MYO3B: variants seen among roughly 807,000 people sequenced by gnomAD.
MYO3B encodes the protein myosin IIIB.
A neutral mutation model predicts 174.6 loss-of-function variants in MYO3B; 156 were observed. The ratio of observed to expected loss-of-function variants is 0.89; its 90% CI spans 0.78 to 1.02. The LOEUF (loss-of-function observed/expected upper bound fraction) is 1.02, where lower values mean the gene tolerates loss of function less well. MYO3B is among the 50% of genes least tolerant of loss of function. The pLI is 0.00. For missense variants in MYO3B, 1,632 were observed against 1,639.4 expected (o/e 1.00, Z 0.08); for synonymous variants, 563 against 569.1 (o/e 0.99, Z 0.15).
intron 8 of MYO3B, 132 bp downstream of exon 8, chr2:170,335,582 T>C: frequency 1.6e-6 from 1 of 643,938 alleles, no homozygotes; most frequent in Non-Finnish European, 2.7e-6. Flanking sequence ...TCGGGGTTTG[T>C]TCTAGTAAAT....
At chr2:170,453,372 A>G (rs988519389) in intron 23 of MYO3B, among the ~76,000 whole-genome samples, 1 of 150,754 alleles carries the variant, frequency 6.6e-6, no homozygotes, top group Admixed American at 6.7e-5. Context: ...TATTAATCAT[A>G]CCTTTGCAGA....
intron 32 of MYO3B, among the ~76,000 whole-genome samples, chr2:170,627,933 C>G (rs549987345): frequency 3.3e-5 from 5 of 152,268 alleles, no homozygotes; most frequent in Non-Finnish European, 4.4e-5. Flanking sequence ...AGGGGTACCT[C>G]GCCATGTGAC....
chr2:170,212,311 GGA>G, intron 3 of MYO3B, among the ~76,000 whole-genome samples: 1 of 152,040 alleles, frequency 6.6e-6, no homozygotes, highest in Admixed American at 6.5e-5. Context: ...TCTCCAACAG[GGA>G]GAGAAACTTG....
Position 170,601,974 on chromosome 2 carries a change from T to C in MYO3B, c.3734-49654T>C, listed in dbSNP as rs868495418. The C allele has an allele frequency of 1.1e-5, 9 of 855,008 alleles. No individual in the cohort carries two copies. The African/African-American group carries it at 1.5e-4, about 14-fold the overall frequency. The allele number at this position is 855,008 out of a possible 1,614,324, so 53.0% of individuals were successfully genotyped here. A position where few individuals can be genotyped will look rare whatever the true frequency, so the allele number is the denominator to read the frequency against. ...CATTGGAATCCTCGAACTTCTTTTTTGTCTCCCCTTTAGGAGGGATATAGG... is the reference window on the plus strand; with the variant it reads ...CATTGGAATCCTCGAACTTCTTTTTCGTCTCCCCTTTAGGAGGGATATAGG... On this transcript the variant is annotated intron_variant, in intron 32 of 34. Transcript: ENST00000408978.
chr2:170,335,248 CA>C (rs1558900770), intron 7 of MYO3B, 136 bp from the exon 8 acceptor site: 1 of 670,374 alleles, frequency 1.5e-6, no homozygotes, highest in African/African-American at 1.8e-5. Context: ...TATAATCTAC[CA>C]CTAAAAAATG....
At chr2:170,379,359 T>A (rs2094319005) in intron 9 of MYO3B, among the ~76,000 whole-genome samples, 1 of 152,168 alleles carries the variant, frequency 6.6e-6, no homozygotes. Flanking sequence ...CACGCCTAGC[T>A]AATTTTTGTA....
intron 7 of MYO3B, among the ~76,000 whole-genome samples, chr2:170,325,407 C>T (rs1337722155): frequency 6.6e-6 from 1 of 152,120 alleles, no homozygotes. Flanking sequence ...GGGGTTTCAC[C>T]ATGTTGACCA....
chr2:170,410,683 A>G (rs534674227), intron 22 of MYO3B, among the ~76,000 whole-genome samples: 30 of 151,950 alleles, frequency 2.0e-4, no homozygotes, highest in African/African-American at 6.3e-4. Context: ...CAATTTTGAA[A>G]GAGGAGAAGA....
intron 28 of MYO3B, among the ~76,000 whole-genome samples, chr2:170,505,184 G>A (rs116166529): frequency 3.3e-5 from 5 of 151,982 alleles, no homozygotes; most frequent in South Asian, 4.2e-4. Context: ...TGAGATGTAG[G>A]GGGGAGAGGG....
chr2:170,603,083 C>CA (rs1349298533), intron 32 of MYO3B, among the ~76,000 whole-genome samples: 2 of 149,836 alleles, frequency 1.3e-5, no homozygotes, highest in East Asian at 1.9e-4. Context: ...AAAAGAAAAA[C>CA]AAAAAACAAA....
intron 25 of MYO3B, among the ~76,000 whole-genome samples, chr2:170,494,368 T>C (rs2106056765): frequency 6.6e-6 from 1 of 152,180 alleles, no homozygotes; most frequent in East Asian, 1.9e-4. Flanking sequence ...TTTAATAAAA[T>C]GAAGCCTTGG....
At chr2:170,536,330 A>G (rs1689679623) in intron 30 of MYO3B, among the ~76,000 whole-genome samples, 1 of 152,248 alleles carries the variant, frequency 6.6e-6, no homozygotes, top group African/African-American at 2.4e-5. Flanking sequence ...TCCTTGAGCC[A>G]TGTTCTAAAA....
intron 32 of MYO3B, among the ~76,000 whole-genome samples, chr2:170,572,168 G>A (rs1268000809): frequency 3.3e-5 from 5 of 152,158 alleles, no homozygotes; most frequent in South Asian, 4.2e-4. Flanking sequence ...GGTGGCTCAC[G>A]CCTGTAATCC....
At chr2:170,259,769 A>G (rs928355839) in intron 7 of MYO3B, among the ~76,000 whole-genome samples, 119 of 152,310 alleles carry the variant, frequency 7.8e-4, no homozygotes, top group African/African-American at 2.6e-3. Flanking sequence ...TAAAATATCA[A>G]TAAATGGATA....
chr2:170,504,152 C>G (rs1230670520), intron 28 of MYO3B, among the ~76,000 whole-genome samples: 1 of 152,138 alleles, frequency 6.6e-6, no homozygotes, highest in Non-Finnish European at 1.5e-5. Context: ...GCTTTAGGAG[C>G]CTGCAGGAAG....
chr2:170,519,605 A>G (rs1237302051), intron 30 of MYO3B, 65 bp downstream of exon 30: 1 of 1,240,878 alleles, frequency 8.1e-7, no homozygotes, highest in East Asian at 2.3e-5. Context: ...TGGATAATGA[A>G]ATGGTAATGG....
intron 28 of MYO3B, among the ~76,000 whole-genome samples, chr2:170,508,799 G>T (rs1422595992): frequency 2.0e-5 from 3 of 152,220 alleles, no homozygotes; most frequent in Non-Finnish European, 2.9e-5. Flanking sequence ...GCTGCCATTT[G>T]CCATGTAGTT....
chr2:170,651,821 GCCCCAC>G, intron 33 of MYO3B, 87 bp downstream of exon 33: 4 of 1,089,328 alleles, frequency 3.7e-6, no homozygotes, highest in Non-Finnish European at 5.6e-6. Context: ...AGCCCCTGCA[GCCCCAC>G]CCCCACCCTC....
At chr2:170,539,335 T>C (rs2106194141) in intron 30 of MYO3B, among the ~76,000 whole-genome samples, 1 of 152,354 alleles carries the variant, frequency 6.6e-6, no homozygotes, top group East Asian at 1.9e-4. Flanking sequence ...CGATTTAAGT[T>C]ACATGTTTTT....
Sources: gnomAD v4.1 joint callset for allele counts (sites outside exome capture counted in the v4.1 genomes callset) on GRCh38, gnomAD v4.1.1 for gene constraint, MANE v1.5 for transcripts, NCBI Gene and HGNC (gene_info 2026-07-23, HGNC 2026-07-21) for gene names.